MYBL1: variants seen among roughly 807,000 people sequenced by gnomAD.
The protein encoded by MYBL1 is myb-related protein A.
MYBL1 carries 17 observed loss-of-function variants against 96.3 expected under a neutral mutation model. That is an observed-to-expected ratio of 0.18 (90% confidence interval 0.12 to 0.26). MYBL1 has a LOEUF of 0.26. MYBL1 is among the 10% of genes least tolerant of loss of function. The pLI is 1.00. For synonymous variants in MYBL1, 282 were observed against 292.7 expected (o/e 0.96, Z 0.37); for missense variants, 701 against 882.9 (o/e 0.79, Z 2.61).
chr8:66,577,826 C>G (rs966559331), intron 9 of MYBL1, among the ~76,000 whole-genome samples: 1 of 152,230 alleles, frequency 6.6e-6, no homozygotes, highest in African/African-American at 2.4e-5. Context: ...TGATTTCAAA[C>G]TATACTACAA....
chr8:66,571,242 G>A (rs536193924), intron 12 of MYBL1, among the ~76,000 whole-genome samples: 1 of 152,178 alleles, frequency 6.6e-6, no homozygotes, highest in South Asian at 2.1e-4. Context: ...TGAAAGCACA[G>A]TAACTAGAAC....
At chr8:66,580,393 T>C (rs1008564191) in intron 8 of MYBL1, 27 bp from the exon 9 acceptor site, 2 of 1,440,812 alleles carry the variant, frequency 1.4e-6, no homozygotes, top group Non-Finnish European at 1.9e-6. Flanking sequence ...AATTTGAATA[T>C]TATTTGTCAT....
intron 12 of MYBL1, among the ~76,000 whole-genome samples, chr8:66,569,743 G>C (rs1808656611): frequency 6.6e-6 from 1 of 152,188 alleles, no homozygotes; most frequent in Non-Finnish European, 1.5e-5. Context: ...GGCTAAGACA[G>C]ATTAATTCAT....
At chr8:66,571,182 C>A (rs1053904348) in intron 12 of MYBL1, among the ~76,000 whole-genome samples, 1 of 152,106 alleles carries the variant, frequency 6.6e-6, no homozygotes, top group Admixed American at 6.6e-5. Context: ...TCTGTATCTG[C>A]CTAAAATGCC....
At chr8:66,576,753 G>A (rs1044699519) in intron 9 of MYBL1, among the ~76,000 whole-genome samples, 4 of 152,112 alleles carry the variant, frequency 2.6e-5, no homozygotes, top group Admixed American at 6.6e-5. Context: ...TGTATGGAAC[G>A]TGTTAAAAAT....
At chr8:66,583,500 A>G (rs185738477) in intron 8 of MYBL1, among the ~76,000 whole-genome samples, 146 of 152,240 alleles carry the variant, frequency 9.6e-4, no homozygotes, top group African/African-American at 2.9e-3. Context: ...AAACTGAGAC[A>G]AACAAATACA....
chr8:66,566,706 G>C lies in MYBL1; in HGVS notation c.1928C>G (p.Thr643Ser), dbSNP rs1217638904. ...EKEESGTQLL[T>S]EDISDMQSEN... ...AACCTGCATGTCTGAAATGTCTTCA[G>C]TCAACAGTTGAGTGCCTGATTCTTC... Residue 643 changes from threonine (T) to serine (S), a missense_variant, in exon 14 of 16, where the codon ACT becomes AGT. Thr to Ser is a moderately conservative substitution (Grantham distance 58). Around this residue, in one of 5 missense-constraint regions of MYBL1, gnomAD observed 137 missense variants for 137.5 expected, o/e 1.00. Coordinates refer to ENST00000522677, the MANE Select transcript of MYBL1 (RefSeq NM_001080416.4). 3.1e-6 allele frequency: 5 copies of C among 1,603,608 alleles called. No individual in the cohort carries two copies. Among genetic ancestry groups the C allele is most frequent in the Middle Eastern group, 1.7e-4 (1 of 6,026 alleles).
chr8:66,604,733 A>G (rs1810244278), intron 1 of MYBL1, among the ~76,000 whole-genome samples: 1 of 152,238 alleles, frequency 6.6e-6, no homozygotes, highest in Non-Finnish European at 1.5e-5. Flanking sequence ...GAAATATATT[A>G]AACTGAGAGA....
intron 8 of MYBL1, among the ~76,000 whole-genome samples, chr8:66,586,273 T>C (rs1039078330): frequency 6.6e-6 from 1 of 152,084 alleles, no homozygotes; most frequent in Non-Finnish European, 1.5e-5. Flanking sequence ...CTCGAACTCA[T>C]GAGCTCAAGC....
At chr8:66,576,851 G>C (rs1320367027) in intron 9 of MYBL1, among the ~76,000 whole-genome samples, 3 of 152,024 alleles carry the variant, frequency 2.0e-5, no homozygotes, top group Non-Finnish European at 4.4e-5. Flanking sequence ...CTGTAGTACT[G>C]AAAAAGTAGA....
At chr8:66,591,346 CA>C (rs879848776) in intron 8 of MYBL1, among the ~76,000 whole-genome samples, 119 of 141,940 alleles carry the variant, frequency 8.4e-4, no homozygotes, top group Admixed American at 4.2e-3. Context: ...AACTCTGTCT[CA>C]AAAAAAAAAA....
intron 3 of MYBL1, among the ~76,000 whole-genome samples, chr8:66,600,890 A>G (rs1284480965): frequency 6.6e-6 from 1 of 152,040 alleles, no homozygotes; most frequent in Non-Finnish European, 1.5e-5. Context: ...ATATGTGAGG[A>G]CCAGGCGCGG....
In MYBL1 at chr8:66,563,631, C is replaced by T. The variant is rs1808397821; in HGVS notation, c.*1066G>A. On this transcript the variant is annotated 3_prime_UTR_variant, in exon 16 of 16. Coordinates refer to ENST00000522677, the MANE Select transcript of MYBL1 (RefSeq NM_001080416.4). ...CCAAGGTACCATATTATTTTTTAAACAAAATGCAAAAATTTCAAACACATA... is the reference window on the plus strand; with the variant it reads ...CCAAGGTACCATATTATTTTTTAAATAAAATGCAAAAATTTCAAACACATA... The T allele has an allele frequency of 6.6e-6, 1 of 152,288 alleles. No individual in the cohort carries two copies. Among genetic ancestry groups the T allele is most frequent in the African/African-American group, 2.4e-5 (1 of 41,438 alleles). The allele number at this position is 152,288 out of a possible 1,614,324, so 9.4% of individuals were successfully genotyped here. A position where few individuals can be genotyped will look rare whatever the true frequency, so the allele number is the denominator to read the frequency against.
In MYBL1 at chr8:66,588,592, C is replaced by A. The variant is rs977972022; in HGVS notation, c.867+3848G>T. 6.6e-4 allele frequency among the ~76,000 whole-genome samples: 101 copies of A among 152,068 alleles called. 1 individual carries two copies. Among genetic ancestry groups the A allele is most frequent in the East Asian group, 5.8e-4 (3 of 5,154 alleles). ...CACTACATTCGGCCCTAAATGTGAACTCTCTAATGAAATTCTACCCACTTA... is the reference window on the plus strand; with the variant it reads ...CACTACATTCGGCCCTAAATGTGAAATCTCTAATGAAATTCTACCCACTTA... On this transcript the variant is annotated intron_variant, in intron 8 of 15. Coordinates refer to ENST00000522677, the MANE Select transcript of MYBL1 (RefSeq NM_001080416.4).
intron 1 of MYBL1, among the ~76,000 whole-genome samples, chr8:66,608,208 CAT>C (rs1810396111): frequency 6.6e-6 from 1 of 152,164 alleles, no homozygotes; most frequent in East Asian, 1.9e-4. Context: ...TTTTTACCCA[CAT>C]ACTTTATTGT....
At chr8:66,579,262 T>A (rs969722703) in intron 9 of MYBL1, among the ~76,000 whole-genome samples, 8 of 151,330 alleles carry the variant, frequency 5.3e-5, no homozygotes, top group Non-Finnish European at 1.0e-4. Flanking sequence ...AAATTTTTTT[T>A]AAAAAAATGA....
rs76113472 is a variant in MYBL1, at chr8:66,599,850, C to T, written c.199-708G>A. ...CAAATAGCCTATCAGTCTGGATTCACGTAGTTCAGCAGTACCTAACTATAC... is the reference window on the plus strand; with the variant it reads ...CAAATAGCCTATCAGTCTGGATTCATGTAGTTCAGCAGTACCTAACTATAC... On this transcript the variant is annotated intron_variant, in intron 3 of 15. Coordinates refer to ENST00000522677, the MANE Select transcript of MYBL1 (RefSeq NM_001080416.4). 3.7e-3 allele frequency among the ~76,000 whole-genome samples: 555 copies of T among 151,660 alleles called. 3 individuals are homozygous for T. The highest frequency in any genetic ancestry group is 0.013 in the African/African-American group (525 of 41,382).
At chr8:66,586,202 C>T (rs1436888903) in intron 8 of MYBL1, among the ~76,000 whole-genome samples, 1 of 151,822 alleles carries the variant, frequency 6.6e-6, no homozygotes, top group Non-Finnish European at 1.5e-5. Flanking sequence ...CTCACCACCA[C>T]GCCTGGCTAA....
rs769364883 is a variant in MYBL1 at position 66,593,179 on chromosome 8, A to G, written c.703T>C (p.Tyr235His). The change falls in exon 7 of 16, where the codon TAT (tyrosine) becomes CAT (histidine). Residue 235 changes from tyrosine to histidine, a missense_variant. This residue lies in a region of MYBL1 where 396 missense variants were observed against 407.4 expected (regional missense o/e 0.97). Coordinates refer to ENST00000522677, the MANE Select transcript of MYBL1 (RefSeq NM_001080416.4). Reference protein sequence around the residue: ...YIPVQIPGYQYVSPEGNCIEH... With the variant: ...YIPVQIPGYQHVSPEGNCIEH... ...ATACAATTGCCTTCAGGTGACACATACTGATACCCAGGGATCTAAAAAGTA... is the reference window on the plus strand; with the variant it reads ...ATACAATTGCCTTCAGGTGACACATGCTGATACCCAGGGATCTAAAAAGTA... 27 of 1,580,838 alleles carry G rather than the reference A, an allele frequency of 1.7e-5. No homozygotes were observed. Among genetic ancestry groups the G allele is most frequent in the Non-Finnish European group, 2.3e-5 (27 of 1,158,818 alleles).
Sources: allele counts gnomAD v4.1 joint callset (sites outside exome capture counted in the v4.1 genomes callset), GRCh38; gene constraint gnomAD v4.1.1; regional missense constraint gnomAD v4.1.1; transcripts MANE v1.5; gene names NCBI Gene and HGNC (gene_info 2026-07-23, HGNC 2026-07-21).